The following RBFOX1 variants were observed in gnomAD, a reference collection of about 807,000 sequenced individuals.
The protein encoded by RBFOX1 is RNA binding fox-1 homolog 1.
In RBFOX1, 8 loss-of-function variants were observed where a neutral mutation model predicts 57.7. The ratio of observed to expected loss-of-function variants is 0.14; its 90% confidence interval spans 0.08 to 0.25. RBFOX1 has a LOEUF of 0.25. RBFOX1 is among the 10% of genes least tolerant of loss of function. The pLI is 1.00. For synonymous variants in RBFOX1, 326 were observed against 222.4 expected (o/e 1.47, Z -4.15); for missense variants, 611 against 548.5 (o/e 1.11, Z -1.14).
chr16:5,895,193 A>G (rs2058135924), intron 4 of RBFOX1, among the ~76,000 whole-genome samples: 2 of 152,232 alleles, frequency 1.3e-5, no homozygotes, highest in Non-Finnish European at 2.9e-5. Flanking sequence ...CCTGCTATAA[A>G]TGCTGAGGTC....
chr16:7,042,847 A>C (rs2046620992), intron 3 of RBFOX1, among the ~76,000 whole-genome samples: 1 of 152,124 alleles, frequency 6.6e-6, no homozygotes, highest in Admixed American at 6.5e-5. Context: ...AATCACTTGA[A>C]CCTGGGAGGT....
intron 14 of RBFOX1, among the ~76,000 whole-genome samples, chr16:7,701,304 C>T (rs190768403): frequency 1.2e-3 from 187 of 152,192 alleles, no homozygotes; most frequent in African/African-American, 2.5e-3. Flanking sequence ...AGGTGGTGAG[C>T]GGGGTGGGGG....
At chr16:7,337,932 C>A (rs993665150) in intron 4 of RBFOX1, among the ~76,000 whole-genome samples, 1 of 152,238 alleles carries the variant, frequency 6.6e-6, no homozygotes, top group Admixed American at 6.5e-5. Context: ...ATCTGCCCGC[C>A]TTGGCCTCCC....
chr16:6,333,207 T>G (rs1409870643), intron 2 of RBFOX1, among the ~76,000 whole-genome samples: 1 of 151,980 alleles, frequency 6.6e-6, no homozygotes, highest in African/African-American at 2.4e-5. Flanking sequence ...GTCCAGCTGA[T>G]TTTTGTTTTG....
intron 1 of RBFOX1, among the ~76,000 whole-genome samples, chr16:5,284,350 G>A (rs1050952576): frequency 5.9e-5 from 9 of 151,940 alleles, no homozygotes; most frequent in East Asian, 3.9e-4. Flanking sequence ...TTTCTTTAGC[G>A]GTGACATTTG....
At chr16:6,754,245 G>A (rs928631657) in intron 3 of RBFOX1, among the ~76,000 whole-genome samples, 1 of 152,078 alleles carries the variant, frequency 6.6e-6, no homozygotes. Context: ...ATGTTCACCT[G>A]CTTTATTCAG....
chr16:6,933,303 A>T (rs528548323), intron 3 of RBFOX1, among the ~76,000 whole-genome samples: 1 of 152,214 alleles, frequency 6.6e-6, no homozygotes, highest in African/African-American at 2.4e-5. Context: ...TTTATTTTTT[A>T]GTAACCGACA....
intron 3 of RBFOX1, among the ~76,000 whole-genome samples, chr16:6,706,280 T>G (rs1416554999): frequency 6.6e-6 from 1 of 152,146 alleles, no homozygotes; most frequent in African/African-American, 2.4e-5. Flanking sequence ...AACTTGAAAC[T>G]AAAAGAGTGA....
At chr16:6,389,128 G>A (rs1486650337) in intron 2 of RBFOX1, among the ~76,000 whole-genome samples, 1 of 152,210 alleles carries the variant, frequency 6.6e-6, no homozygotes, top group African/African-American at 2.4e-5. Context: ...TGGCAGGGGT[G>A]CTCATCAGTA....
intron 3 of RBFOX1, among the ~76,000 whole-genome samples, chr16:6,981,059 A>C (rs938428857): frequency 6.7e-6 from 1 of 149,836 alleles, no homozygotes; most frequent in African/African-American, 2.5e-5. Context: ...AAAAAAAAAA[A>C]CACTAAAAAA....
At chr16:5,893,742 G>A (rs2058096787) in intron 4 of RBFOX1, among the ~76,000 whole-genome samples, 4 of 151,668 alleles carry the variant, frequency 2.6e-5, no homozygotes, top group Admixed American at 1.3e-4. Flanking sequence ...GGAAGCAGAG[G>A]TTGCAGTGAG....
chr16:6,694,911 G>C (rs981259810), intron 3 of RBFOX1, among the ~76,000 whole-genome samples: 6 of 151,820 alleles, frequency 4.0e-5, no homozygotes, highest in Non-Finnish European at 1.5e-5. Context: ...TGGTAAACAG[G>C]ACTAACACTT....
chr16:7,126,381 C>T (rs923305788), intron 4 of RBFOX1: 3 of 242,852 alleles, frequency 1.2e-5, no homozygotes, highest in South Asian at 5.9e-5. Flanking sequence ...TTCACAAGAT[C>T]AATTCCTGAC....
intron 4 of RBFOX1, among the ~76,000 whole-genome samples, chr16:5,918,075 C>G (rs970143601): frequency 4.6e-5 from 7 of 152,170 alleles, no homozygotes; most frequent in African/African-American, 1.7e-4. Context: ...ACTCAGTCAG[C>G]AACAGCCTGC....
intron 3 of RBFOX1, among the ~76,000 whole-genome samples, chr16:6,891,357 A>G (rs2065366817): frequency 6.6e-6 from 1 of 152,164 alleles, no homozygotes; most frequent in African/African-American, 2.4e-5. Context: ...CCATCGATAT[A>G]AGATACAGAC....
chr16:5,533,418 G>C (rs976395681), intron 2 of RBFOX1, among the ~76,000 whole-genome samples: 54 of 152,200 alleles, frequency 3.5e-4, no homozygotes, highest in Non-Finnish European at 7.1e-4. Context: ...CATCACTGGG[G>C]AAGGGGTGAT....
chr16:5,271,817 T>C (rs918689718), intron 1 of RBFOX1, among the ~76,000 whole-genome samples: 1 of 152,224 alleles, frequency 6.6e-6, no homozygotes. Context: ...TTCAACTTCT[T>C]TAGATTCCAC....
intron 4 of RBFOX1, among the ~76,000 whole-genome samples, chr16:7,413,140 A>T (rs2098445901): frequency 6.6e-6 from 1 of 152,218 alleles, no homozygotes; most frequent in Non-Finnish European, 1.5e-5. Context: ...GGGAAAAAAA[A>T]TGTAGGTCAC....
intron 1 of RBFOX1, among the ~76,000 whole-genome samples, chr16:5,454,853 C>T (rs201186762): frequency 0.03 from 1,923 of 64,680 alleles, 18 homozygotes; most frequent in African/African-American, 0.049. Context: ...TTCTTTCTTT[C>T]TTTTCTTTCT....
Sources: allele counts gnomAD v4.1 joint callset (sites outside exome capture counted in the v4.1 genomes callset), GRCh38; gene constraint gnomAD v4.1.1; transcripts MANE v1.5; gene names NCBI Gene and HGNC (gene_info 2026-07-23, HGNC 2026-07-21).